The following SLC1A2 variants were observed in gnomAD, a reference collection of about 807,000 sequenced individuals.
SLC1A2 encodes excitatory amino acid transporter 2.
In SLC1A2, 15 loss-of-function variants were observed where a neutral mutation model predicts 48.8. The ratio of observed to expected loss-of-function variants is 0.31; its 90% confidence interval spans 0.21 to 0.47. The LOEUF (loss-of-function observed/expected upper bound fraction) is 0.47. SLC1A2 is among the 20% of genes least tolerant of loss of function. The pLI is 0.99. For synonymous variants in SLC1A2, 279 were observed against 272.6 expected (o/e 1.02, Z -0.23); for missense variants, 502 against 730.5 (o/e 0.69, Z 3.61).
chr11:35,369,537 A>G (rs1307531229), intron 1 of SLC1A2, among the ~76,000 whole-genome samples: 1 of 152,220 alleles, frequency 6.6e-6, no homozygotes, highest in East Asian at 1.9e-4. Context: ...CTTGGGGATA[A>G]AGAAGCTAAA....
At chr11:35,305,258 G>T (rs12418812) in intron 5 of SLC1A2, among the ~76,000 whole-genome samples, 27,616 of 152,134 alleles carry the variant, frequency 0.18, 2,939 homozygotes, top group Admixed American at 0.26. Flanking sequence ...GAACTCCTCA[G>T]CTCTCCACCC....
intron 5 of SLC1A2, among the ~76,000 whole-genome samples, chr11:35,303,007 C>A (rs1393857794): frequency 6.6e-6 from 1 of 151,398 alleles, no homozygotes; most frequent in Non-Finnish European, 1.5e-5. Flanking sequence ...GAAGTATGAG[C>A]CATCTTCTCT....
At chr11:35,299,546 C>T (rs968816260) in intron 6 of SLC1A2, 4 of 151,866 alleles carry the variant, frequency 2.6e-5, no homozygotes, top group Non-Finnish European at 5.9e-5. Context: ...TTAAAAGCAC[C>T]GTAAAACAAT....
intron 1 of SLC1A2, chr11:35,392,373 G>C (rs1374477534): frequency 6.6e-6 from 1 of 152,226 alleles, no homozygotes; most frequent in Non-Finnish European, 1.5e-5. Context: ...GACTCGGACG[G>C]GGAGGGCATC....
chr11:35,295,311 G>A (rs1395743247), intron 6 of SLC1A2, among the ~76,000 whole-genome samples: 5 of 152,114 alleles, frequency 3.3e-5, no homozygotes, highest in African/African-American at 7.2e-5. Context: ...CAGCCTCCCA[G>A]AGCACTAGGA....
At chr11:35,367,113 C>T (rs984124215) in intron 1 of SLC1A2, among the ~76,000 whole-genome samples, 1 of 152,206 alleles carries the variant, frequency 6.6e-6, no homozygotes, top group Non-Finnish European at 1.5e-5. Flanking sequence ...CCTGTCATCT[C>T]CTTGAGTTTG....
chr11:35,278,215 C>G (rs1323170666), intron 9 of SLC1A2, among the ~76,000 whole-genome samples: 2 of 151,708 alleles, frequency 1.3e-5, no homozygotes, highest in Admixed American at 1.3e-4. Context: ...TTCCTTGCAG[C>G]CCTCCCAAGT....
chr11:35,314,002 T>C (rs1851789195), intron 3 of SLC1A2, among the ~76,000 whole-genome samples: 1 of 152,230 alleles, frequency 6.6e-6, no homozygotes, highest in African/African-American at 2.4e-5. Flanking sequence ...CTCAGCTTCC[T>C]GCCCTTAACT....
chr11:35,308,877 A>G (rs182805673), intron 4 of SLC1A2, among the ~76,000 whole-genome samples: 137 of 152,282 alleles, frequency 9.0e-4, no homozygotes, highest in African/African-American at 3.2e-3. Flanking sequence ...CATACAGTCT[A>G]TAGGTAAGTG....
intron 3 of SLC1A2, 54 bp downstream of exon 3, chr11:35,314,969 A>C: frequency 7.5e-7 from 1 of 1,329,126 alleles, no homozygotes; most frequent in Non-Finnish European, 1.1e-6. Context: ...GTTAATTAAA[A>C]GCCAGGGCAG....
intron 1 of SLC1A2, among the ~76,000 whole-genome samples, chr11:35,341,555 C>T (rs145966877): frequency 0.015 from 2,284 of 152,272 alleles, 56 homozygotes; most frequent in African/African-American, 0.05. Context: ...CTCTCAACTA[C>T]CTTAGCAATC....
chr11:35,358,402 A>G (rs1565273056), intron 1 of SLC1A2, among the ~76,000 whole-genome samples: 1 of 152,238 alleles, frequency 6.6e-6, no homozygotes, highest in African/African-American at 2.4e-5. Context: ...CTATAAACAA[A>G]TGAACTTCAA....
rs968567979 is a variant in SLC1A2, at chr11:35,317,106, G to C, written c.157+271C>G. 8 of 382,190 alleles carry C rather than the reference G, an allele frequency of 2.1e-5. No individual in the cohort carries two copies. The East Asian group carries it at 2.8e-4, about 13-fold the overall frequency. 23.7% of individuals were successfully genotyped at this position (382,190 alleles called of 1,614,324 possible). On this transcript the variant is annotated intron_variant, in intron 2 of 10. Transcript: ENST00000278379. ...CTCATTTCAGGTGGCCCAAAGCAAAGTCTCCATAAGTATAGGAATCCACAT... is the reference window on the plus strand; with the variant it reads ...CTCATTTCAGGTGGCCCAAAGCAAACTCTCCATAAGTATAGGAATCCACAT...
chr11:35,380,611 T>A (rs999235841), intron 1 of SLC1A2: 11 of 391,834 alleles, frequency 2.8e-5, no homozygotes, highest in Admixed American at 2.2e-4. Context: ...TCAATTCTGT[T>A]CCATCAGGAA....
At chr11:35,417,048 C>T (rs1005160472) in intron 1 of SLC1A2, among the ~76,000 whole-genome samples, 2 of 152,222 alleles carry the variant, frequency 1.3e-5, no homozygotes, top group African/African-American at 4.8e-5. Context: ...ATGTCACCTG[C>T]TCATCAGTTA....
intron 9 of SLC1A2, among the ~76,000 whole-genome samples, chr11:35,268,200 T>C (rs572788236): frequency 6.6e-6 from 1 of 152,336 alleles, no homozygotes; most frequent in Non-Finnish European, 1.5e-5. Context: ...ACAATACCTT[T>C]GACCAATTGC....
chr11:35,336,066 A>G (rs2135009828), intron 1 of SLC1A2, among the ~76,000 whole-genome samples: 1 of 152,154 alleles, frequency 6.6e-6, no homozygotes, highest in East Asian at 1.9e-4. Context: ...TAATACAGGA[A>G]CAGAAAACCA....
intron 5 of SLC1A2, among the ~76,000 whole-genome samples, chr11:35,305,710 C>G (rs1016720719): frequency 1.3e-5 from 2 of 152,178 alleles, no homozygotes; most frequent in Admixed American, 1.3e-4. Context: ...TACATGGGGG[C>G]AGCTTTTAAA....
intron 1 of SLC1A2, among the ~76,000 whole-genome samples, chr11:35,361,461 T>C (rs1379569614): frequency 6.6e-6 from 1 of 152,194 alleles, no homozygotes; most frequent in Non-Finnish European, 1.5e-5. Context: ...CTCCCTAACA[T>C]AGCACACAGG....
Sources: gnomAD v4.1 joint callset for allele counts (sites outside exome capture counted in the v4.1 genomes callset) on GRCh38, gnomAD v4.1.1 for gene constraint, MANE v1.5 for transcripts, NCBI Gene and HGNC (gene_info 2026-07-23, HGNC 2026-07-21) for gene names.